PAN2: variants seen among roughly 807,000 people sequenced by gnomAD.
PAN2 encodes the protein PAN2-PAN3 deadenylation complex catalytic subunit PAN2.
Under a neutral mutation model 133.3 loss-of-function variants are expected in PAN2, and 68 were observed. The observed-to-expected ratio is 0.51, with a 90% CI of 0.42 to 0.62. The LOEUF is 0.62. PAN2 is among the 20% of genes least tolerant of loss of function. The probability of loss-of-function intolerance (pLI) is 0.00; values close to 1 mark genes in which losing one functional copy is unlikely to be tolerated. For synonymous variants in PAN2, 462 were observed against 544.6 expected, an observed-to-expected ratio of 0.85 and a Z score of 2.11; for missense variants, 1,042 against 1,500.5, an observed-to-expected ratio of 0.69 and a Z score of 5.05.
At chr12:56,323,444 A>C in intron 15 of PAN2, 56 bp downstream of exon 15, 1 of 1,609,332 alleles carries the variant, frequency 6.2e-7, no homozygotes, top group Non-Finnish European at 8.5e-7. Flanking sequence ...GGAGGTCAGA[A>C]GGGGGATAAA....
intron 2 of PAN2, among the ~76,000 whole-genome samples, chr12:56,331,700 G>GTTTTTTTTTTTTTTTTTTTTTTTTT (rs67869491): frequency 8.0e-6 from 1 of 125,332 alleles, no homozygotes; most frequent in South Asian, 2.5e-4. Flanking sequence ...GAAGGACAGC[G>GTTTTTTTTTTTTTTTTTTTTTTTTT]TTTTTTTTTT....
chr12:56,325,529 T>G, intron 8 of PAN2, 75 bp from the exon 9 acceptor site: 3 of 1,536,688 alleles, frequency 2.0e-6, no homozygotes, highest in Non-Finnish European at 2.7e-6. Flanking sequence ...ATCCCAACAT[T>G]GAAACAGCCA....
At chr12:56,325,217 C>T in intron 9 of PAN2, 89 bp from the exon 10 acceptor site, 3 of 1,578,542 alleles carry the variant, frequency 1.9e-6, no homozygotes, top group Non-Finnish European at 2.6e-6. Flanking sequence ...GAGCCTTCCT[C>T]CTGGGTCCAG....
chr12:56,326,589 G>A (rs370527239), intron 7 of PAN2, 28 bp downstream of exon 7: 21 of 1,586,352 alleles, frequency 1.3e-5, no homozygotes, highest in South Asian at 2.3e-5. Context: ...TGTCCCTCCC[G>A]CCTTTTGGCC....
At position 56,324,228 on chromosome 12, in the gene PAN2, G is replaced by A. The variant is rs920032273; in HGVS notation, c.1929-43C>T. 3 of 1,611,648 alleles carry A rather than the reference G, an allele frequency of 1.9e-6. No individual in the cohort carries two copies. The African/African-American group carries it at 4.0e-5, about 22-fold the overall frequency. The stretch of plus-strand genomic sequence containing the variant: ...GATATATGCACATTGAGGAAGTTAG[G>A]AGACCTTTTAAATCACAGAGGGGCC... On this transcript the variant is annotated intron_variant, in intron 12 of 25. Coordinates refer to ENST00000440411, the MANE Select transcript of PAN2 (RefSeq NM_014871.6).
At position 56,317,566 on chromosome 12, in the gene PAN2, A is replaced by C. The variant is rs1214940296; in HGVS notation, c.*43T>G. ...AGCCATCTCCCAGTTCTGGGGCTAT[A>C]GAACAGTAAAGGGAGAGGGCCGTGG... is the stretch of plus-strand genomic sequence containing the variant. On this transcript the variant is annotated 3_prime_UTR_variant, in exon 26 of 26. Coordinates refer to ENST00000440411, the MANE Select transcript of PAN2 (RefSeq NM_014871.6). The C allele has an allele frequency of 6.3e-7, 1 of 1,584,370 alleles. No homozygotes were observed. Among genetic ancestry groups the C allele is most frequent in the Admixed American group, 1.7e-5 (1 of 59,910 alleles).
chr12:56,317,123 ATGGTAT>A lies in PAN2; in HGVS notation c.*480_*485del, dbSNP rs1874019172. 1 of 153,380 alleles carries A rather than the reference ATGGTAT, an allele frequency of 6.5e-6. No individual in the cohort carries two copies. The highest frequency in any genetic ancestry group is 2.1e-4 in the South Asian group (1 of 4,868). The allele number at this position is 153,380 out of a possible 1,614,324, so 9.5% of individuals were successfully genotyped here. Reference sequence around the variant, plus strand: ...CCAGGATCCAAAGGCCCTTTTGGCAATGGTATTGGCAACACTGGTTTGCTTGGGCCA... The same window carrying A: ...CCAGGATCCAAAGGCCCTTTTGGCAATGGCAACACTGGTTTGCTTGGGCCA... On this transcript the variant is annotated 3_prime_UTR_variant, in exon 26 of 26. Transcript: ENST00000440411.
At position 56,328,583 on chromosome 12, in the gene PAN2, T is replaced by C. The variant is rs368010013; in HGVS notation, c.341A>G (p.Asn114Ser). Residue 114 changes from asparagine (N) to serine (S), a missense_variant, in exon 3 of 26, where the codon AAT becomes AGT. Around this residue, in one of 3 missense-constraint regions of PAN2, gnomAD observed 908 missense variants for 1,223.5 expected, o/e 0.74. Transcript: ENST00000440411. ...GATCTGCCGAATATCATCACTGCCA[T>C]TGACTTGAAAGGATGAGTAGCGCTC... The part of the protein sequence containing the change: ...ALERYSSFQV[N>S]GSDDIRQIQS... 6 of 1,614,054 alleles carry C rather than the reference T, an allele frequency of 3.7e-6. No individual in the cohort carries two copies. Among genetic ancestry groups the C allele is most frequent in the Admixed American group, 1.7e-5 (1 of 60,010 alleles).
intron 2 of PAN2, 193 bp downstream of exon 2, chr12:56,332,618 AAG>A: frequency 1.6e-5 from 9 of 571,258 alleles, no homozygotes; most frequent in South Asian, 9.2e-5. Context: ...AAAAAAAAAA[AAG>A]GGATGCCTCC....
rs983554110 is a variant in PAN2, at chr12:56,325,382, G to A, written c.1432C>T (p.Arg478Ter). 6 of 1,613,876 alleles carry A rather than the reference G, an allele frequency of 3.7e-6. No homozygotes were observed. The highest frequency in any genetic ancestry group is 1.3e-5 in the African/African-American group (1 of 74,870). ...FSQVTESPVG[R>*]EEEPHLHMVS... ...ATGTGGAGATGTGGTTCCTCTTCTCGTCCTACTGGTGACTCAGTGACCTGG... is the reference window on the plus strand; with the variant it reads ...ATGTGGAGATGTGGTTCCTCTTCTCATCCTACTGGTGACTCAGTGACCTGG... The change falls in exon 9 of 26, where the codon CGA (arginine) becomes TGA (stop). Residue 478 changes from arginine to a stop codon, truncating the protein, a stop_gained. Coordinates refer to ENST00000440411, the MANE Select transcript of PAN2 (RefSeq NM_014871.6). LOFTEE classifies it high-confidence loss of function.
In PAN2 at chr12:56,318,229, G is replaced by C; in HGVS notation, c.3562+8C>G. 6.2e-7 allele frequency: 1 copy of C among 1,609,168 alleles called. No individual in the cohort carries two copies. Among genetic ancestry groups the C allele is most frequent in the South Asian group, 1.1e-5 (1 of 91,004 alleles). On this transcript the variant is annotated splice_region_variant and intron_variant, in intron 25 of 25. Coordinates refer to ENST00000440411, the MANE Select transcript of PAN2 (RefSeq NM_014871.6). ...GTCCAGTTTCCCTTGTCCCATCCCA[G>C]GTCTTACTCTTGGGACTTGTTTGGC...
In PAN2 at chr12:56,324,191, AGT is replaced by A; in HGVS notation, c.1929-8_1929-7del. ...CCCCCGATGAGCAAAAGCTGCTAAG[AGT>A]GGAGAGGATGATATATGCACATTGA... On this transcript the variant is annotated splice_polypyrimidine_tract_variant and splice_region_variant and intron_variant, in intron 12 of 25. Transcript: ENST00000440411. 1 of 1,613,710 alleles carries A rather than the reference AGT, an allele frequency of 6.2e-7. No homozygotes were observed. Among genetic ancestry groups the A allele is most frequent in the Non-Finnish European group, 8.5e-7 (1 of 1,179,974 alleles).
At chr12:56,322,389 A>G (rs1003535627) in intron 19 of PAN2, 34 bp downstream of exon 19, 1 of 1,549,938 alleles carries the variant, frequency 6.5e-7, no homozygotes, top group Non-Finnish European at 8.9e-7. Flanking sequence ...GAAAAGGGGA[A>G]ATGAAAGAAG....
At chr12:56,321,604 A>C (rs1042801440) in intron 20 of PAN2, among the ~76,000 whole-genome samples, 1 of 150,384 alleles carries the variant, frequency 6.6e-6, no homozygotes, top group Non-Finnish European at 1.5e-5. Flanking sequence ...TAATCCCAGC[A>C]CTTTGGGAGG....
chr12:56,324,793 A>G, intron 10 of PAN2, 84 bp from the exon 11 acceptor site: 2 of 1,519,650 alleles, frequency 1.3e-6, no homozygotes, highest in Non-Finnish European at 1.8e-6. Context: ...CTGGTGGAGA[A>G]AATGTCCCAG....
At chr12:56,322,842 G>A in intron 17 of PAN2, 84 bp from the exon 18 acceptor site, 2 of 1,438,492 alleles carry the variant, frequency 1.4e-6, no homozygotes, top group South Asian at 1.2e-5. Context: ...GGGAGTTGGG[G>A]GTATGGGGGA....
In PAN2 at chr12:56,322,147, T is replaced by C. The variant is rs747085994; in HGVS notation, c.2719A>G (p.Met907Val). ...AGGATTGCAGGTACTTTCCAATTCA[T>C]GTCAAACTGCACAGCTTCATGCTAT... ...IDKHEAVQFD[M>V]NWKVPAILYY... Residue 907 changes from methionine (M) to valine (V), a missense_variant, in exon 20 of 26, where the codon ATG becomes GTG. By Grantham distance (21) the Met-to-Val change is conservative (BLOSUM62 1). Transcript: ENST00000440411. The C allele has an allele frequency of 1.2e-6, 2 of 1,606,084 alleles. No homozygotes were observed. Among genetic ancestry groups the C allele is most frequent in the South Asian group, 1.1e-5 (1 of 90,910 alleles).
At chr12:56,330,294 C>A (rs1440971453) in intron 2 of PAN2, among the ~76,000 whole-genome samples, 3 of 150,116 alleles carry the variant, frequency 2.0e-5, no homozygotes, top group Non-Finnish European at 3.0e-5. Flanking sequence ...CAAAACCAAA[C>A]AAAATAGCAA....
At chr12:56,318,683 C>A in intron 24 of PAN2, 1 of 484,786 alleles carries the variant, frequency 2.1e-6, no homozygotes, top group Non-Finnish European at 3.6e-6. Context: ...TTCTTTTCCC[C>A]CCATGCTTTT....
Sources: allele counts gnomAD v4.1 joint callset (sites outside exome capture counted in the v4.1 genomes callset), GRCh38; gene constraint gnomAD v4.1.1; regional missense constraint gnomAD v4.1.1; transcripts MANE v1.5; gene names NCBI Gene and HGNC (gene_info 2026-07-23, HGNC 2026-07-21).